ABAT: variants seen among roughly 807,000 people sequenced by gnomAD.
ABAT encodes the protein 4-aminobutyrate aminotransferase, mitochondrial.
ABAT carries 45 observed loss-of-function variants against 64.6 expected under a neutral mutation model. The observed-to-expected ratio is 0.70, with a 90% CI of 0.55 to 0.89. The LOEUF is 0.89. Among genes scored for constraint, ABAT ranks in the 40% least tolerant of loss-of-function variants. ABAT has a pLI of 0.00. For synonymous variants in ABAT, 297 were observed against 250.5 expected (o/e 1.19, Z -1.75); for missense variants, 633 against 658.4 (o/e 0.96, Z 0.42).
intron 1 of ABAT, among the ~76,000 whole-genome samples, chr16:8,682,494 A>G (rs2057358757): frequency 6.6e-6 from 1 of 152,184 alleles, no homozygotes; most frequent in African/African-American, 2.4e-5. Flanking sequence ...AGAGCTTGTT[A>G]AAACACAGAT....
chr16:8,725,035 G>C (rs1467374470), intron 1 of ABAT, among the ~76,000 whole-genome samples: 2 of 151,696 alleles, frequency 1.3e-5, no homozygotes, highest in African/African-American at 2.4e-5. Context: ...TCCCGCCTCA[G>C]CCTCCAAAGT....
At chr16:8,684,654 G>T (rs2057411723) in intron 1 of ABAT, among the ~76,000 whole-genome samples, 1 of 150,794 alleles carries the variant, frequency 6.6e-6, no homozygotes, top group Non-Finnish European at 1.5e-5. Context: ...AGGAGGCCGA[G>T]CCAGGCTGCA....
chr16:8,681,706 A>T (rs1045973993), intron 1 of ABAT, among the ~76,000 whole-genome samples: 1 of 149,376 alleles, frequency 6.7e-6, no homozygotes, highest in African/African-American at 2.5e-5. Context: ...CAGTGGTGCA[A>T]TCTCAGCTCA....
chr16:8,740,922 C>T (rs1261194966), intron 2 of ABAT, among the ~76,000 whole-genome samples: 1 of 152,250 alleles, frequency 6.6e-6, no homozygotes, highest in Non-Finnish European at 1.5e-5. Context: ...GAGCAAACAA[C>T]TCCAGTTGGA....
chr16:8,737,260 C>T (rs1222049386), intron 2 of ABAT: 12 of 151,996 alleles, frequency 7.9e-5, no homozygotes, highest in African/African-American at 2.9e-4. Flanking sequence ...GGCAGATCAC[C>T]TGAGGTCAGG....
chr16:8,758,635 T>C (rs2059710024), intron 6 of ABAT, among the ~76,000 whole-genome samples: 1 of 152,142 alleles, frequency 6.6e-6, no homozygotes, highest in Non-Finnish European at 1.5e-5. Context: ...CCCAGGACTC[T>C]ACCCACTAAA....
intron 1 of ABAT, among the ~76,000 whole-genome samples, chr16:8,697,116 T>C (rs2057720564): frequency 6.6e-6 from 1 of 152,182 alleles, no homozygotes; most frequent in Non-Finnish European, 1.5e-5. Context: ...GCAGTGGGAC[T>C]ACTTTAAGTT....
intron 1 of ABAT, among the ~76,000 whole-genome samples, chr16:8,726,162 A>G (rs1164421178): frequency 6.6e-6 from 1 of 152,088 alleles, no homozygotes; most frequent in East Asian, 1.9e-4. Flanking sequence ...TAGATCCCAC[A>G]AATAAGTGAG....
intron 3 of ABAT, among the ~76,000 whole-genome samples, chr16:8,747,734 A>G (rs897273711): frequency 3.9e-5 from 6 of 152,166 alleles, no homozygotes; most frequent in Non-Finnish European, 8.8e-5. Context: ...ATGCAAGTTA[A>G]TATTTTCAGT....
chr16:8,726,992 T>G (rs2058576791), intron 1 of ABAT, among the ~76,000 whole-genome samples: 1 of 152,248 alleles, frequency 6.6e-6, no homozygotes, highest in African/African-American at 2.4e-5. Flanking sequence ...ATGTCTTCTT[T>G]TGAGAAATAT....
intron 8 of ABAT, among the ~76,000 whole-genome samples, chr16:8,765,422 G>A (rs1210716569): frequency 1.3e-5 from 2 of 151,912 alleles, no homozygotes; most frequent in Non-Finnish European, 2.9e-5. Context: ...CCAGCACTTC[G>A]GGAGGCTGAG....
At position 8,764,575 on chromosome 16, in the gene ABAT, C is replaced by G. The variant is rs898642749; in HGVS notation, c.448-163C>G. On this transcript the variant is annotated intron_variant, in intron 7 of 15. Coordinates refer to ENST00000268251, the MANE Select transcript of ABAT (RefSeq NM_020686.6). The surrounding 1 kb of genome is among the most constrained non-coding windows in gnomAD (Gnocchi z 4.2). ...GCCTCCCTGGGCTTCTCCGCCACCC[C>G]TGGAAAAGCCTGAGCCCACCCTCCC... 6.6e-6 allele frequency among the ~76,000 whole-genome samples: 1 copy of G among 152,206 alleles called. No homozygotes were observed. The highest frequency in any genetic ancestry group is 2.4e-5 in the African/African-American group (1 of 41,466).
At chr16:8,693,680 G>C (rs1024778438) in intron 1 of ABAT, among the ~76,000 whole-genome samples, 4 of 152,188 alleles carry the variant, frequency 2.6e-5, no homozygotes, top group Non-Finnish European at 5.9e-5. Flanking sequence ...TGTTGGCCAG[G>C]CTGGTCTTGA....
At chr16:8,704,879 TCTCA>T (rs978971537) in intron 1 of ABAT, among the ~76,000 whole-genome samples, 15 of 152,030 alleles carry the variant, frequency 9.9e-5, no homozygotes, top group Admixed American at 8.5e-4. Flanking sequence ...AAATGGGGGG[TCTCA>T]CTATGTTGCC....
chr16:8,719,694 T>C (rs922793698), intron 1 of ABAT, among the ~76,000 whole-genome samples: 1 of 151,916 alleles, frequency 6.6e-6, no homozygotes, highest in African/African-American at 2.4e-5. Context: ...TAACTTCAAG[T>C]CCAGCCTGGG....
intron 6 of ABAT, among the ~76,000 whole-genome samples, chr16:8,759,105 A>T (rs777438441): frequency 5.7e-4 from 86 of 151,840 alleles, no homozygotes; most frequent in Admixed American, 9.9e-4. Flanking sequence ...TTATCCCAAA[A>T]AATAATAATA....
At chr16:8,763,254 C>T (rs906188845) in intron 6 of ABAT, among the ~76,000 whole-genome samples, 1 of 152,150 alleles carries the variant, frequency 6.6e-6, no homozygotes, top group South Asian at 2.1e-4. Flanking sequence ...GGTTCTGCCC[C>T]TTCTTGGCTG....
intron 5 of ABAT, chr16:8,757,354 G>A (rs2059677327): frequency 8.3e-6 from 3 of 359,446 alleles, no homozygotes; most frequent in South Asian, 4.4e-5. Context: ...TTTTAGTAGA[G>A]ACGGGGATTC....
At chr16:8,676,025 G>A (rs1164272994) in intron 1 of ABAT, among the ~76,000 whole-genome samples, 1 of 148,772 alleles carries the variant, frequency 6.7e-6, no homozygotes, top group Non-Finnish European at 1.5e-5. Context: ...GGGACAGGAT[G>A]TTGGTGACCT....
Sources: allele counts gnomAD v4.1 joint callset (sites outside exome capture counted in the v4.1 genomes callset), GRCh38; gene constraint gnomAD v4.1.1; non-coding constraint Gnocchi (gnomAD v3.1); transcripts MANE v1.5; gene names NCBI Gene and HGNC (gene_info 2026-07-23, HGNC 2026-07-21).